The following CNTN5 variants were observed in gnomAD, a reference collection of about 807,000 sequenced individuals.
CNTN5 encodes contactin 5, also known as contactin-5.
Under a neutral mutation model 129.1 loss-of-function variants are expected in CNTN5, and 77 were observed. The ratio of observed to expected loss-of-function variants is 0.60; its 90% CI spans 0.50 to 0.72. The LOEUF is 0.72. Ranked by LOEUF, CNTN5 falls within the 30% of genes least tolerant of loss-of-function variation. The pLI is 0.00. For missense variants in CNTN5, 1,478 were observed against 1,328.8 expected (o/e 1.11, Z -1.75); for synonymous variants, 509 against 465.6 (o/e 1.09, Z -1.20).
Position 100,002,055 on chromosome 11 carries a change from C to G in CNTN5, c.899C>G (p.Pro300Arg). Residue 300 changes from proline to arginine, a missense_variant, in exon 9 of 25, where the codon CCG (proline) becomes CGG (arginine). Physicochemically the swap from Pro to Arg is moderately radical, Grantham distance 103. Transcript: ENST00000524871. ...TAAGGTGTGATGGGAGAATATGAGC[C>G]GAAAATTGAGGTCCATTTTCCTTTC... ...RNDGVMGEYE[P>R]KIEVHFPFTV... The G allele has an allele frequency of 6.3e-7, 1 of 1,596,090 alleles. No individual in the cohort carries two copies. Among genetic ancestry groups the G allele is most frequent in the Non-Finnish European group, 8.5e-7 (1 of 1,173,984 alleles).
chr11:99,071,565 G>A (rs1379337017), intron 1 of CNTN5, among the ~76,000 whole-genome samples: 1 of 152,110 alleles, frequency 6.6e-6, no homozygotes, highest in Non-Finnish European at 1.5e-5. Context: ...GTTACAATTA[G>A]TAAAAGCTGG....
intron 13 of CNTN5, among the ~76,000 whole-genome samples, chr11:100,164,063 C>CCTA: frequency 6.6e-6 from 1 of 151,908 alleles, no homozygotes; most frequent in Non-Finnish European, 1.5e-5. Context: ...CTAGGACTAG[C>CCTA]CTACTACTGT....
chr11:100,334,228 A>C (rs2138996156), intron 21 of CNTN5, among the ~76,000 whole-genome samples: 1 of 152,338 alleles, frequency 6.6e-6, no homozygotes, highest in East Asian at 1.9e-4. Context: ...AACCACAAAG[A>C]GATACCACCT....
chr11:100,087,551 T>C (rs1246745688), intron 13 of CNTN5, among the ~76,000 whole-genome samples: 1 of 151,894 alleles, frequency 6.6e-6, no homozygotes, highest in East Asian at 1.9e-4. Context: ...CATTATATAA[T>C]GATAAAGGGT....
intron 8 of CNTN5, among the ~76,000 whole-genome samples, chr11:100,000,039 G>A (rs12800033): frequency 6.6e-6 from 1 of 151,524 alleles, no homozygotes; most frequent in Non-Finnish European, 1.5e-5. Context: ...GATAACATTA[G>A]GAGATATACC....
Position 99,467,191 on chromosome 11 carries a change from A to G in CNTN5, c.-70-88954A>G, listed in dbSNP as rs1481631575. Among the ~76,000 whole-genome samples the G allele has an allele frequency of 5.3e-5, 8 of 152,112 alleles. No individual in the cohort carries two copies. In the East Asian group the frequency reaches 1.5e-3, roughly 29 times the overall value. On this transcript the variant is annotated intron_variant, in intron 2 of 24. Transcript: ENST00000524871. ...CATAAAAACAAACTGATATAAAACA[A>G]AACTTTAATATAGTTATATCCAAAT... is the stretch of plus-strand genomic sequence containing the variant.
At chr11:99,205,917 T>C (rs1859457006) in intron 1 of CNTN5, among the ~76,000 whole-genome samples, 1 of 152,148 alleles carries the variant, frequency 6.6e-6, no homozygotes, top group Non-Finnish European at 1.5e-5. Flanking sequence ...TACCATTTTA[T>C]TGATTGATAG....
At chr11:99,641,928 G>C (rs902748067) in intron 3 of CNTN5, among the ~76,000 whole-genome samples, 4 of 152,140 alleles carry the variant, frequency 2.6e-5, no homozygotes, top group Non-Finnish European at 4.4e-5. Context: ...CTTTGGTTCA[G>C]TTGAGGGTTG....
intron 2 of CNTN5, among the ~76,000 whole-genome samples, chr11:99,521,538 G>A (rs887959182): frequency 6.6e-6 from 1 of 152,120 alleles, no homozygotes; most frequent in South Asian, 2.1e-4. Context: ...TTCAATTGAT[G>A]AATAAAAATG....
At chr11:99,461,628 T>C (rs1247127225) in intron 2 of CNTN5, among the ~76,000 whole-genome samples, 1 of 152,160 alleles carries the variant, frequency 6.6e-6, no homozygotes, top group Non-Finnish European at 1.5e-5. Context: ...AATATAGTAG[T>C]AAATTTCTGA....
intron 2 of CNTN5, among the ~76,000 whole-genome samples, chr11:99,353,613 G>T (rs949416616): frequency 6.6e-6 from 1 of 152,152 alleles, no homozygotes; most frequent in Non-Finnish European, 1.5e-5. Flanking sequence ...CATATGTATG[G>T]CTAAGTCAAA....
Position 99,882,863 on chromosome 11 carries a change from C to A in CNTN5, c.578-33191C>A, listed in dbSNP as rs4754652. ...AACCATTCCCATGTCCTCTTTATTCCCCCCACCTCCATTCCCAGCATCTGG... is the reference window on the plus strand; with the variant it reads ...AACCATTCCCATGTCCTCTTTATTCACCCCACCTCCATTCCCAGCATCTGG... On this transcript the variant is annotated intron_variant, in intron 6 of 24. Coordinates refer to ENST00000524871, the MANE Select transcript of CNTN5 (RefSeq NM_014361.4). 2.6e-5 allele frequency among the ~76,000 whole-genome samples: 4 copies of A among 151,888 alleles called. 1 individual carries two copies. The South Asian group carries it at 8.3e-4, about 32-fold the overall frequency.
At chr11:99,044,974 T>C (rs1209343301) in intron 1 of CNTN5, among the ~76,000 whole-genome samples, 1 of 152,162 alleles carries the variant, frequency 6.6e-6, no homozygotes, top group East Asian at 1.9e-4. Context: ...AGTCTCCTCA[T>C]GTATAAAATG....
intron 1 of CNTN5, among the ~76,000 whole-genome samples, chr11:99,155,010 A>C (rs1168385676): frequency 6.6e-6 from 1 of 152,116 alleles, no homozygotes; most frequent in Non-Finnish European, 1.5e-5. Flanking sequence ...TACCTATCTA[A>C]GCAGCTCCCT....
At chr11:99,608,867 A>G (rs1933181819) in intron 3 of CNTN5, among the ~76,000 whole-genome samples, 1 of 152,204 alleles carries the variant, frequency 6.6e-6, no homozygotes, top group Non-Finnish European at 1.5e-5. Context: ...ATAGTTATGA[A>G]TGTTCATTAA....
chr11:99,244,744 C>T (rs1174397409), intron 1 of CNTN5, among the ~76,000 whole-genome samples: 1 of 152,050 alleles, frequency 6.6e-6, no homozygotes, highest in Non-Finnish European at 1.5e-5. Flanking sequence ...TATGAATCTG[C>T]AAAAAGTACT....
At chr11:99,762,624 T>C (rs938803314) in intron 3 of CNTN5, among the ~76,000 whole-genome samples, 2 of 152,110 alleles carry the variant, frequency 1.3e-5, no homozygotes, top group African/African-American at 2.4e-5. Context: ...CATTGATCAA[T>C]ATCTCTGTTT....
In CNTN5 at chr11:99,485,270, G is replaced by A. The variant is rs142902530; in HGVS notation, c.-70-70875G>A. The stretch of plus-strand genomic sequence containing the variant: ...AAAAAAAAAGGGAAGTGATTTCCAT[G>A]GATTAGTGGGGAGAGAGAGATAAAT... On this transcript the variant is annotated intron_variant, in intron 2 of 24. Transcript: ENST00000524871. Among the ~76,000 whole-genome samples, 524 of 152,008 alleles carry A rather than the reference G, an allele frequency of 3.4e-3. 2 individuals carry two copies. Among genetic ancestry groups the A allele is most frequent in the South Asian group, 9.6e-3 (46 of 4,816 alleles).
intron 13 of CNTN5, among the ~76,000 whole-genome samples, chr11:100,076,421 G>C (rs1944128284): frequency 6.6e-5 from 10 of 152,088 alleles, no homozygotes. Context: ...CAAAGCAAAA[G>C]TATTGAGAGA....
Sources: allele counts gnomAD v4.1 joint callset (sites outside exome capture counted in the v4.1 genomes callset), GRCh38; gene constraint gnomAD v4.1.1; transcripts MANE v1.5; gene names NCBI Gene and HGNC (gene_info 2026-07-23, HGNC 2026-07-21).